Variants in MACF1 observed in about 807,000 individuals in gnomAD.
MACF1 encodes the protein microtubule-actin cross-linking factor 1.
Under a neutral mutation model 854.8 loss-of-function variants are expected in MACF1, and 193 were observed. The observed-to-expected ratio is 0.23, with a 90% CI of 0.20 to 0.25. MACF1 has a LOEUF of 0.25. Among genes scored for constraint, MACF1 ranks in the 10% least tolerant of loss-of-function variants. The probability of loss-of-function intolerance (pLI) is 1.00; values close to 1 mark genes in which losing one functional copy is unlikely to be tolerated. For missense variants in MACF1, 7,722 were observed against 8,929.1 expected, an observed-to-expected ratio of 0.86 and a Z score of 5.45; for synonymous variants, 3,185 against 3,226.7, an observed-to-expected ratio of 0.99 and a Z score of 0.44.
chr1:39,248,496 C>T (rs1186503348), intron 2 of MACF1, among the ~76,000 whole-genome samples: 1 of 152,002 alleles, frequency 6.6e-6, no homozygotes, highest in Non-Finnish European at 1.5e-5. Context: ...TGAGCCATTG[C>T]ACCTGGCCTC....
rs144923218 is a variant in MACF1 at position 39,334,706 on chromosome 1, A to C, written c.8118A>C (p.Ser2706=). The C allele has an allele frequency of 1.5e-5, 25 of 1,614,144 alleles. No homozygotes were observed. In the African/African-American group the frequency reaches 3.3e-4, roughly 22 times the overall value. The change falls in exon 37 of 101, where the codon TCA becomes TCC. Residue 2706 remains serine, a synonymous_variant. Coordinates refer to ENST00000564288, the MANE Select transcript of MACF1 (RefSeq NM_001394062.1). ...TATGKRLTLA[S]ALEEKLVDEN... ...CTGGAAAAAGACTGACATTGGCATCAGCTTTGGAAGAGAAACTGGTGGATG... is the reference window on the plus strand; with the variant it reads ...CTGGAAAAAGACTGACATTGGCATCCGCTTTGGAAGAGAAACTGGTGGATG...
At chr1:39,301,742 T>C (rs1571298844) in intron 22 of MACF1, among the ~76,000 whole-genome samples, 1 of 152,212 alleles carries the variant, frequency 6.6e-6, no homozygotes, top group South Asian at 2.1e-4. Flanking sequence ...GTTTTTTTTT[T>C]CCTTTAAATA....
chr1:39,090,586 C>A (rs1641778406), intron 2 of MACF1, among the ~76,000 whole-genome samples: 1 of 152,326 alleles, frequency 6.6e-6, no homozygotes, highest in South Asian at 2.1e-4. Flanking sequence ...TTAATGCCAT[C>A]ATGCTTTTCT....
At chr1:39,337,418 C>G (rs1342465348) in intron 38 of MACF1, 87 bp downstream of exon 38, 1 of 1,345,040 alleles carries the variant, frequency 7.4e-7, no homozygotes, top group African/African-American at 1.4e-5. Flanking sequence ...TTACTAGAAC[C>G]TGCTTGCACT....
intron 58 of MACF1, among the ~76,000 whole-genome samples, chr1:39,389,351 G>T (rs1368157615): frequency 1.1e-3 from 68 of 63,500 alleles, no homozygotes; most frequent in African/African-American, 3.3e-3. Flanking sequence ...GTTTTTGTGT[G>T]TTTTTTTTTT....
At chr1:39,101,698 C>T (rs1307633780) in intron 2 of MACF1, among the ~76,000 whole-genome samples, 17 of 151,272 alleles carry the variant, frequency 1.1e-4, no homozygotes, top group African/African-American at 3.4e-4. Flanking sequence ...GTGGCGGGCG[C>T]CTGTAGTCCC....
chr1:39,122,402 C>T (rs1368541962), intron 2 of MACF1, among the ~76,000 whole-genome samples: 1 of 151,850 alleles, frequency 6.6e-6, no homozygotes, highest in Non-Finnish European at 1.5e-5. Flanking sequence ...TACAGGTGCC[C>T]ACCATCATGC....
intron 2 of MACF1, among the ~76,000 whole-genome samples, chr1:39,161,472 G>A (rs915530096): frequency 1.3e-5 from 2 of 152,134 alleles, no homozygotes; most frequent in Admixed American, 1.3e-4. Flanking sequence ...GGGAAGCTGA[G>A]GCAGGAGGAT....
At chr1:39,097,550 C>T (rs1641968162) in intron 2 of MACF1, among the ~76,000 whole-genome samples, 1 of 151,826 alleles carries the variant, frequency 6.6e-6, no homozygotes, top group African/African-American at 2.4e-5. Flanking sequence ...GGCGAAACCC[C>T]ATCTCTACAA....
At chr1:39,136,444 C>G (rs573218055) in intron 2 of MACF1, among the ~76,000 whole-genome samples, 1 of 152,238 alleles carries the variant, frequency 6.6e-6, no homozygotes, top group African/African-American at 2.4e-5. Context: ...TGTGGATTCT[C>G]CTGTTTGTTT....
chr1:39,217,882 C>CAAAAAAA (rs751580827), intron 1 of MACF1, among the ~76,000 whole-genome samples: 1 of 100,098 alleles, frequency 1.0e-5, no homozygotes. Flanking sequence ...GACCCTGTCT[C>CAAAAAAA]AAAAAAAAAA....
Position 39,441,351 on chromosome 1 carries a change from A to G in MACF1, c.18672+26A>G, listed in dbSNP as rs753811586. On this transcript the variant is annotated intron_variant, in intron 74 of 100. Transcript: ENST00000564288. ...GTGAGAGGCCAGGAGGTGACCACCA[A>G]GGAAATACAGGTTCTGTTTTTTGCC... is the stretch of plus-strand genomic sequence containing the variant. The G allele has an allele frequency of 1.9e-6, 3 of 1,562,490 alleles. No individual in the cohort carries two copies. The East Asian group carries it at 6.7e-5, about 35-fold the overall frequency.
chr1:39,331,973 T>G lies in MACF1; in HGVS notation c.5385T>G (p.Ile1795Met), dbSNP rs1441461839. Reference protein sequence around the residue: ...TVEEAVRHNLIDQDMACAILI... With the variant: ...TVEEAVRHNLMDQDMACAILI... ...AAGAGGCTGTAAGACATAATCTGAT[T>G]GACCAAGATATGGCCTGTGCTATCC... The change falls in exon 37 of 101, where the codon ATT becomes ATG. Residue 1795 changes from isoleucine to methionine, a missense_variant. Ile to Met is a conservative substitution (Grantham distance 10, BLOSUM62 1). Transcript: ENST00000564288. 5 of 1,613,924 alleles carry G rather than the reference T, an allele frequency of 3.1e-6. No individual in the cohort carries two copies. Among genetic ancestry groups the G allele is most frequent in the Non-Finnish European group, 4.2e-6 (5 of 1,180,022 alleles).
chr1:39,450,760 C>T (rs112898040), intron 84 of MACF1, among the ~76,000 whole-genome samples: 3,631 of 151,882 alleles, frequency 0.024, 128 homozygotes, highest in African/African-American at 0.083. Context: ...TACAGGCACC[C>T]ACCACCATGC....
Position 39,460,617 on chromosome 1 carries a change from C to T in MACF1, c.21361-15C>T. On this transcript the variant is annotated splice_polypyrimidine_tract_variant and intron_variant, in intron 91 of 100. Coordinates refer to ENST00000564288, the MANE Select transcript of MACF1 (RefSeq NM_001394062.1). The surrounding 1 kb of genome is among the most constrained non-coding windows in gnomAD (Gnocchi z 4.1). Reference sequence around the variant, plus strand: ...CAAAAAATAAATCTTATTGACACTTCTGATTTCTGTGTAGTTGAAAGAATT... The same window carrying T: ...CAAAAAATAAATCTTATTGACACTTTTGATTTCTGTGTAGTTGAAAGAATT... 1 of 1,613,682 alleles carries T rather than the reference C, an allele frequency of 6.2e-7. No individual in the cohort carries two copies. Among genetic ancestry groups the T allele is most frequent in the Non-Finnish European group, 8.5e-7 (1 of 1,179,628 alleles).
At position 39,479,805 on chromosome 1, in the gene MACF1, T is replaced by C; in HGVS notation, c.21966T>C (p.Gly7322=). The C allele has an allele frequency of 1.2e-6, 2 of 1,614,010 alleles. No homozygotes were observed. Among genetic ancestry groups the C allele is most frequent in the South Asian group, 2.2e-5 (2 of 91,068 alleles). ...SISSQSPIAR[G]RTNIELREKF... The stretch of plus-strand genomic sequence containing the variant: ...TGTTTATTTCCTTTTTAGCACGAGG[T>C]AGAACTAACATTGAACTTAGAGAGA... Residue 7322 remains glycine, a synonymous_variant, in exon 98 of 101, where the codon GGT becomes GGC. Transcript: ENST00000564288.
chr1:39,162,250 C>T (rs1227342739), intron 2 of MACF1, among the ~76,000 whole-genome samples: 1 of 152,144 alleles, frequency 6.6e-6, no homozygotes, highest in African/African-American at 2.4e-5. Context: ...GATCTGCCCG[C>T]CTTGGCTTCC....
At chr1:39,191,592 T>A (rs1183853701) in intron 2 of MACF1, among the ~76,000 whole-genome samples, 1 of 152,222 alleles carries the variant, frequency 6.6e-6, no homozygotes, top group Non-Finnish European at 1.5e-5. Context: ...GCCTCCTTCT[T>A]CTGAGATTGG....
chr1:39,171,756 G>A (rs1643952505), intron 2 of MACF1, among the ~76,000 whole-genome samples: 1 of 152,116 alleles, frequency 6.6e-6, no homozygotes, highest in South Asian at 2.1e-4. Context: ...TTCCCGAGTA[G>A]CTGGGACTAC....
Sources: gnomAD v4.1 joint callset for allele counts (sites outside exome capture counted in the v4.1 genomes callset) on GRCh38, gnomAD v4.1.1 for gene constraint, Gnocchi (gnomAD v3.1) non-coding constraint, MANE v1.5 for transcripts, NCBI Gene and HGNC (gene_info 2026-07-23, HGNC 2026-07-21) for gene names.